Variants in PSG6 observed in about 807,000 individuals in gnomAD.
PSG6 encodes the protein pregnancy-specific beta-1-glycoprotein 6.
PSG6 carries 51 observed loss-of-function variants against 43.3 expected under a neutral mutation model. The ratio of observed to expected loss-of-function variants is 1.18; its 90% CI spans 0.94 to 1.49. PSG6 has a LOEUF of 1.49. Ranked by LOEUF, PSG6 falls within the 40% of genes most tolerant of loss-of-function variation. PSG6 has a pLI of 0.00. For missense variants in PSG6, 770 were observed against 522.2 expected (o/e 1.47, Z -4.62); for synonymous variants, 292 against 197.6 (o/e 1.48, Z -4.01).
chr19:42,906,347 C>T (rs1224444868), intron 5 of PSG6, among the ~76,000 whole-genome samples: 4 of 151,550 alleles, frequency 2.6e-5, no homozygotes, highest in Non-Finnish European at 5.9e-5. Flanking sequence ...TAGCCAACTT[C>T]AGGACAGGCC....
At position 42,902,424 on chromosome 19, in the gene PSG6, T is replaced by C. The variant is rs1972049483; in HGVS notation, c.1263A>G (p.Thr421=). The change falls in exon 6 of 6, where the codon ACA becomes ACG. Residue 421 remains threonine, a synonymous_variant. Transcript: ENST00000187910. ...ATTGTGGCAGCCATTAATGAGACTC[T>C]GTCTGGTTTCCATGGCAGGGACCTG... ...KVSGPCHGNQ[T]ESH 6 of 1,611,258 alleles carry C rather than the reference T, an allele frequency of 3.7e-6. No homozygotes were observed. The highest frequency in any genetic ancestry group is 5.1e-6 in the Non-Finnish European group (6 of 1,178,422).
intron 3 of PSG6, among the ~76,000 whole-genome samples, chr19:42,908,628 G>A (rs1201694006): frequency 6.6e-6 from 1 of 151,736 alleles, no homozygotes; most frequent in Non-Finnish European, 1.5e-5. Flanking sequence ...GGCAGGTGAG[G>A]ACCATGTGGA....
chr19:42,907,609 T>G lies in PSG6; in HGVS notation c.952A>C (p.Ile318Leu), dbSNP rs144117726. Reference sequence around the variant, plus strand: ...TTCAGGGTGACTGGGTTACTGCGGATGCCACCATATCGGTCCCGTATTTCA... The same window carrying G: ...TTCAGGGTGACTGGGTTACTGCGGAGGCCACCATATCGGTCCCGTATTTCA... ...QCEIRDRYGG[I>L]RSNPVTLNVL... The change falls in exon 4 of 6, where the codon ATC becomes CTC. Residue 318 changes from isoleucine (I) to leucine (L), a missense_variant. Ile to Leu is a conservative substitution (Grantham distance 5). Coordinates refer to ENST00000187910, the MANE Select transcript of PSG6 (RefSeq NM_001031850.4). 4.9e-3 allele frequency: 7,894 copies of G among 1,610,594 alleles called. 202 individuals are homozygous for G. Among genetic ancestry groups the G allele is most frequent in the Non-Finnish European group, 6.1e-3 (7,211 of 1,177,754 alleles).
intron 2 of PSG6, among the ~76,000 whole-genome samples, chr19:42,911,060 G>T (rs1020189042): frequency 1.6e-4 from 24 of 151,658 alleles, no homozygotes; most frequent in Non-Finnish European, 2.9e-5. Flanking sequence ...TGTAGGAGAA[G>T]CATGGACTTT....
rs185095394 is a variant in PSG6 at position 42,914,904 on chromosome 19, G to T, written c.427+1221C>A. On this transcript the variant is annotated intron_variant, in intron 2 of 5. Transcript: ENST00000187910. Reference sequence around the variant, plus strand: ...CAGGATTTCACATTCAGTGATGGAGGTTAAGATCTGAGGGGGAGACCTGGA... The same window carrying T: ...CAGGATTTCACATTCAGTGATGGAGTTTAAGATCTGAGGGGGAGACCTGGA... Among the ~76,000 whole-genome samples, 99 of 151,752 alleles carry T rather than the reference G, an allele frequency of 6.5e-4. 3 individuals carry two copies. The highest frequency in any genetic ancestry group is 9.7e-4 in the Non-Finnish European group (66 of 67,906).
intron 2 of PSG6, among the ~76,000 whole-genome samples, chr19:42,914,398 G>A (rs1173823233): frequency 6.6e-6 from 1 of 150,784 alleles, no homozygotes; most frequent in Non-Finnish European, 1.5e-5. Context: ...GGGCTTGCCA[G>A]TCAGAATGAA....
At chr19:42,903,647 T>G in intron 5 of PSG6, 2 of 1,518,792 alleles carry the variant, frequency 1.3e-6, no homozygotes, top group Non-Finnish European at 1.8e-6. Context: ...CCTAGCACTT[T>G]GGGAGGTCAC....
At chr19:42,909,522 A>G (rs1439416824) in intron 3 of PSG6, among the ~76,000 whole-genome samples, 1 of 151,634 alleles carries the variant, frequency 6.6e-6, no homozygotes, top group Non-Finnish European at 1.5e-5. Flanking sequence ...CTTTCTAACA[A>G]TATTGCTTCT....
intron 5 of PSG6, among the ~76,000 whole-genome samples, chr19:42,905,595 G>T (rs1331619288): frequency 6.6e-6 from 1 of 151,620 alleles, no homozygotes; most frequent in Non-Finnish European, 1.5e-5. Context: ...AGAATTGAAA[G>T]AAATTTGAAG....
rs942012847 is a variant in PSG6, at chr19:42,912,221, G to A, written c.428-1363C>T. Among the ~76,000 whole-genome samples, 6 of 151,498 alleles carry A rather than the reference G, an allele frequency of 4.0e-5. 1 individual carries two copies. Among genetic ancestry groups the A allele is most frequent in the East Asian group, 3.9e-4 (2 of 5,156 alleles). On this transcript the variant is annotated intron_variant, in intron 2 of 5. Coordinates refer to ENST00000187910, the MANE Select transcript of PSG6 (RefSeq NM_001031850.4). ...TCAGATTGTGGATTTCTGGATTTCC[G>A]ATGCTCAATTTGTAATACTGTAATT...
In PSG6 at chr19:42,917,891, T is replaced by C. The variant is rs541375861; in HGVS notation, c.-99A>G. ...AGGTGTGCTGTCCTTCCTCCTTCTG[T>C]GCTGAGCCTCTTCCCAGGGCAGAAG... is the stretch of plus-strand genomic sequence containing the variant. On this transcript the variant is annotated 5_prime_UTR_variant, in exon 1 of 6. Coordinates refer to ENST00000187910, the MANE Select transcript of PSG6 (RefSeq NM_001031850.4). 1.4e-5 allele frequency: 21 copies of C among 1,473,062 alleles called. No homozygotes were observed. The highest frequency in any genetic ancestry group is 9.4e-5 in the East Asian group (4 of 42,630). 91.2% of individuals were successfully genotyped at this position (1,473,062 alleles called of 1,614,324 possible).
At chr19:42,914,114 A>G (rs189620466) in intron 2 of PSG6, among the ~76,000 whole-genome samples, 9 of 151,738 alleles carry the variant, frequency 5.9e-5, no homozygotes, top group Non-Finnish European at 1.0e-4. Flanking sequence ...GGAACTGCCT[A>G]TCCCTGTCCC....
chr19:42,906,710 C>T (rs1063011), intron 5 of PSG6: 6 of 1,486,474 alleles, frequency 4.0e-6, no homozygotes, highest in African/African-American at 1.4e-5. Context: ...CTACCTTTCT[C>T]AGGCCAGACA....
At chr19:42,906,098 C>G (rs1972107002) in intron 5 of PSG6, among the ~76,000 whole-genome samples, 1 of 151,572 alleles carries the variant, frequency 6.6e-6, no homozygotes, top group Non-Finnish European at 1.5e-5. Context: ...TAATTACACA[C>G]TTTTTGGCAC....
At position 42,916,169 on chromosome 19, in the gene PSG6, T is replaced by A. The variant is rs1972322717; in HGVS notation, c.383A>T (p.Asp128Val). The stretch of plus-strand genomic sequence containing the variant: ...ATATCCAGTTACTCCTCCAGTCCCA[T>A]CGCCTCGCTTTATGATGTGTAAGGT... ...SYTLHIIKRG[D>V]GTGGVTGYFT... Residue 128 changes from aspartate to valine, a missense_variant, in exon 2 of 6, where the codon GAT (aspartate) becomes GTT (valine). By Grantham distance (152) the Asp-to-Val change is radical (BLOSUM62 -3). Transcript: ENST00000187910. The A allele has an allele frequency of 6.2e-7, 1 of 1,612,106 alleles. No homozygotes were observed. The highest frequency in any genetic ancestry group is 8.5e-7 in the Non-Finnish European group (1 of 1,179,016).
Position 42,903,571 on chromosome 19 carries a change from GA to G in PSG6, c.1241-1126del, listed in dbSNP as rs1972067096. ...AACTAGATTGGCTAAGAAAAAAAGAGAAAAGATAAAATTACTCAAATCATAA... is the reference window on the plus strand; with the variant it reads ...AACTAGATTGGCTAAGAAAAAAAGAGAAAGATAAAATTACTCAAATCATAA... On this transcript the variant is annotated intron_variant, in intron 5 of 5. Transcript: ENST00000187910. 1.4e-6 allele frequency: 2 copies of G among 1,407,780 alleles called. 1 individual carries two copies. Among genetic ancestry groups the G allele is most frequent in the Admixed American group, 6.3e-5 (2 of 31,586 alleles). The allele number at this position is 1,407,780 out of a possible 1,614,324, so 87.2% of individuals were successfully genotyped here.
chr19:42,910,416 C>A, intron 3 of PSG6, 164 bp downstream of exon 3: 1 of 1,556,982 alleles, frequency 6.4e-7, no homozygotes, highest in Non-Finnish European at 8.8e-7. Flanking sequence ...GTTGATCAAG[C>A]CTAGGCCTAC....
chr19:42,902,618 A>G (rs190738540), intron 5 of PSG6, among the ~76,000 whole-genome samples, 172 bp from the exon 6 acceptor site: 1 of 151,492 alleles, frequency 6.6e-6, no homozygotes, highest in Non-Finnish European at 1.5e-5. Flanking sequence ...GCCTTGCAAA[A>G]ACTCTTAGAA....
chr19:42,907,641 T>C lies in PSG6; in HGVS notation c.920A>G (p.Tyr307Cys). The change falls in exon 4 of 6, where the codon TAT (tyrosine) becomes TGT (cysteine). Residue 307 changes from tyrosine (Y) to cysteine (C), a missense_variant. Tyr to Cys is a radical substitution (Grantham distance 194). Coordinates refer to ENST00000187910, the MANE Select transcript of PSG6 (RefSeq NM_001031850.4). The stretch of plus-strand genomic sequence containing the variant: ...ATATCGGTCCCGTATTTCACATTGA[T>C]AGGGTCCTGTTTCATTTCTCGTGAC... ...PSVTRNETGP[Y>C]QCEIRDRYGG... The C allele has an allele frequency of 1.9e-6, 3 of 1,611,780 alleles. No homozygotes were observed. Among genetic ancestry groups the C allele is most frequent in the South Asian group, 1.1e-5 (1 of 90,788 alleles).
Sources: gnomAD v4.1 joint callset for allele counts (sites outside exome capture counted in the v4.1 genomes callset) on GRCh38, gnomAD v4.1.1 for gene constraint, MANE v1.5 for transcripts, NCBI Gene and HGNC (gene_info 2026-07-23, HGNC 2026-07-21) for gene names.